PDE4D: variants seen among roughly 807,000 people sequenced by gnomAD.
PDE4D encodes phosphodiesterase 4D, also known as 3',5'-cyclic-AMP phosphodiesterase 4D.
In PDE4D, 24 loss-of-function variants were observed where a neutral mutation model predicts 87.4. That is an observed-to-expected ratio of 0.27 (90% CI 0.20 to 0.39). The LOEUF (loss-of-function observed/expected upper bound fraction) is 0.39, where lower values mean the gene tolerates loss of function less well. PDE4D is among the 10% of genes least tolerant of loss of function. The pLI, the probability that PDE4D is intolerant of heterozygous loss-of-function variation, is 1.00. For missense variants in PDE4D, 714 were observed against 1,041.0 expected (o/e 0.69, Z 4.32); for synonymous variants, 384 against 383.2 (o/e 1.00, Z -0.02).
chr5:60,087,577 T>G (rs906875033), intron 2 of PDE4D, among the ~76,000 whole-genome samples: 1 of 151,796 alleles, frequency 6.6e-6, no homozygotes, highest in Non-Finnish European at 1.5e-5. Context: ...CAAACAAATT[T>G]TAGAAGCAAG....
At chr5:59,525,530 T>C (rs1455717683) in intron 1 of PDE4D, among the ~76,000 whole-genome samples, 1 of 151,198 alleles carries the variant, frequency 6.6e-6, no homozygotes, top group Admixed American at 6.6e-5. Flanking sequence ...ACTTGGACTA[T>C]TGAGTTAACG....
At chr5:60,014,203 A>G (rs1034539587) in intron 2 of PDE4D, among the ~76,000 whole-genome samples, 15 of 152,214 alleles carry the variant, frequency 9.9e-5, no homozygotes, top group Middle Eastern at 6.8e-3. Context: ...GGTGCCAGGT[A>G]TATGACTGAA....
chr5:59,836,453 C>G (rs1581340216), intron 1 of PDE4D, among the ~76,000 whole-genome samples: 1 of 151,780 alleles, frequency 6.6e-6, no homozygotes, highest in East Asian at 1.9e-4. Context: ...TCTCTTCTAC[C>G]AAGAATGTAA....
intron 1 of PDE4D, among the ~76,000 whole-genome samples, chr5:59,334,247 GTTTTTTTTTTTTTTT>G (rs564248041): frequency 3.0e-5 from 3 of 98,610 alleles, no homozygotes; most frequent in Admixed American, 1.1e-4. Context: ...ATCCAGTGGA[GTTTTTTTTTTTTTTT>G]TTTTTTTTTT....
At chr5:60,305,071 A>ACC (rs1754367090) in intron 1 of PDE4D, among the ~76,000 whole-genome samples, 1 of 145,722 alleles carries the variant, frequency 6.9e-6, no homozygotes, top group Non-Finnish European at 1.5e-5. Flanking sequence ...ACACACACAC[A>ACC]ACACACAACA....
chr5:59,076,122 G>C (rs560365561), intron 5 of PDE4D, among the ~76,000 whole-genome samples: 7 of 152,178 alleles, frequency 4.6e-5, no homozygotes, highest in African/African-American at 1.7e-4. Flanking sequence ...GAATCCTTTG[G>C]CCCACTTTGG....
chr5:60,029,561 T>C (rs562967828), intron 2 of PDE4D, among the ~76,000 whole-genome samples: 5 of 152,180 alleles, frequency 3.3e-5, no homozygotes, highest in Non-Finnish European at 7.4e-5. Flanking sequence ...CCTAACCACC[T>C]TGGGTATATA....
At chr5:59,405,041 C>T (rs1791379233) in intron 1 of PDE4D, among the ~76,000 whole-genome samples, 1 of 152,110 alleles carries the variant, frequency 6.6e-6, no homozygotes, top group South Asian at 2.1e-4. Flanking sequence ...GTTCTTTTTG[C>T]TCAGTATAGC....
chr5:59,509,572 C>A (rs1020268831), intron 1 of PDE4D, among the ~76,000 whole-genome samples: 1 of 151,386 alleles, frequency 6.6e-6, no homozygotes, highest in African/African-American at 2.4e-5. Context: ...TTTGTATTTT[C>A]TCAGGAGGAC....
At chr5:59,443,236 T>G (rs1380370314) in intron 1 of PDE4D, among the ~76,000 whole-genome samples, 1 of 152,172 alleles carries the variant, frequency 6.6e-6, no homozygotes, top group Non-Finnish European at 1.5e-5. Flanking sequence ...CTTTTGCTAA[T>G]CTCATTCCAG....
intron 1 of PDE4D, among the ~76,000 whole-genome samples, chr5:59,394,192 G>T (rs928947650): frequency 3.3e-5 from 5 of 152,156 alleles, no homozygotes; most frequent in African/African-American, 4.8e-5. Context: ...TGGAATTGAG[G>T]CTGTGTTCTG....
intron 1 of PDE4D, among the ~76,000 whole-genome samples, chr5:59,689,946 C>A (rs298079): frequency 0.75 from 114,415 of 151,996 alleles, 43,179 homozygotes; most frequent in East Asian, 0.84. Context: ...CAGCCAAATC[C>A]GAAGTGAACT....
chr5:59,535,373 T>A (rs947106533), intron 1 of PDE4D, among the ~76,000 whole-genome samples: 1 of 152,206 alleles, frequency 6.6e-6, no homozygotes, highest in Non-Finnish European at 1.5e-5. Flanking sequence ...GGATAAGAAC[T>A]AATGCTTGAA....
chr5:59,043,537 A>T (rs1286547002), intron 5 of PDE4D, among the ~76,000 whole-genome samples: 1 of 151,960 alleles, frequency 6.6e-6, no homozygotes, highest in Non-Finnish European at 1.5e-5. Flanking sequence ...AAACAAAAAA[A>T]ATTATAACAA....
intron 2 of PDE4D, among the ~76,000 whole-genome samples, chr5:60,092,248 C>T (rs1775218237): frequency 6.6e-6 from 1 of 151,686 alleles, no homozygotes; most frequent in Non-Finnish European, 1.5e-5. Context: ...AAAAGTGGAT[C>T]TCATGAAGGT....
chr5:59,905,757 C>T (rs1032459973), intron 3 of PDE4D, among the ~76,000 whole-genome samples: 1 of 151,978 alleles, frequency 6.6e-6, no homozygotes, highest in Non-Finnish European at 1.5e-5. Flanking sequence ...TATTATATTC[C>T]ATATATGATG....
At chr5:59,475,024 A>AG (rs1397634325) in intron 1 of PDE4D, among the ~76,000 whole-genome samples, 3 of 152,194 alleles carry the variant, frequency 2.0e-5, no homozygotes, top group Non-Finnish European at 4.4e-5. Flanking sequence ...TGGAAGTAAG[A>AG]GAAAATAAAG....
chr5:59,541,679 T>A (rs181430640), intron 1 of PDE4D, among the ~76,000 whole-genome samples: 2 of 152,202 alleles, frequency 1.3e-5, no homozygotes, highest in Admixed American at 1.3e-4. Context: ...ACATATATTA[T>A]CAATGGGATT....
chr5:59,046,009 T>C (rs927856556), intron 5 of PDE4D, among the ~76,000 whole-genome samples: 4 of 152,202 alleles, frequency 2.6e-5, no homozygotes, highest in Admixed American at 6.5e-5. Context: ...CAATGTGACT[T>C]GAAAGGGAGT....
Sources: allele counts gnomAD v4.1 joint callset (sites outside exome capture counted in the v4.1 genomes callset), GRCh38; gene constraint gnomAD v4.1.1; transcripts MANE v1.5; gene names NCBI Gene and HGNC (gene_info 2026-07-23, HGNC 2026-07-21).